Variants in FBXW7 observed in about 807,000 individuals in gnomAD.
The protein encoded by FBXW7 is F-box/WD repeat-containing protein 7.
In FBXW7, 11 loss-of-function variants were observed where a neutral mutation model predicts 86.3. The observed-to-expected ratio is 0.13, with a 90% CI of 0.08 to 0.21. FBXW7 has a LOEUF of 0.21. Among genes scored for constraint, FBXW7 ranks in the 10% least tolerant of loss-of-function variants. FBXW7 has a pLI of 1.00. For missense variants in FBXW7, 488 were observed against 847.4 expected, an observed-to-expected ratio of 0.58 and a Z score of 5.27; for synonymous variants, 313 against 297.9, an observed-to-expected ratio of 1.05 and a Z score of -0.52.
chr4:152,374,888 G>T (rs978062494), intron 4 of FBXW7, among the ~76,000 whole-genome samples: 1 of 139,838 alleles, frequency 7.2e-6, no homozygotes, highest in Non-Finnish European at 1.6e-5. Context: ...AGTTACAGGA[G>T]GGGGGGGGAT....
At chr4:152,429,008 G>A (rs1479979771) in intron 2 of FBXW7, among the ~76,000 whole-genome samples, 2 of 152,060 alleles carry the variant, frequency 1.3e-5, no homozygotes, top group South Asian at 2.1e-4. Flanking sequence ...TAACCAACAT[G>A]GAGAAACTCC....
intron 6 of FBXW7, chr4:152,346,677 TCTC>T (rs1731295709): frequency 7.1e-6 from 3 of 422,712 alleles, no homozygotes; most frequent in African/African-American, 2.0e-5. Context: ...AGTTAGTCCT[TCTC>T]CTCCCCTCAT....
intron 5 of FBXW7, among the ~76,000 whole-genome samples, chr4:152,347,637 C>G (rs187650532): frequency 6.6e-6 from 1 of 152,158 alleles, no homozygotes; most frequent in Non-Finnish European, 1.5e-5. Flanking sequence ...GAATAGTTGA[C>G]AGGACTCAGT....
intron 2 of FBXW7, among the ~76,000 whole-genome samples, chr4:152,456,128 C>T (rs1341610602): frequency 6.6e-6 from 1 of 151,306 alleles, no homozygotes; most frequent in Non-Finnish European, 1.5e-5. Context: ...AAAGGCAAAC[C>T]ACAAACTGAA....
At chr4:152,465,041 A>G (rs1247161599) in intron 2 of FBXW7, among the ~76,000 whole-genome samples, 1 of 152,216 alleles carries the variant, frequency 6.6e-6, no homozygotes, top group Non-Finnish European at 1.5e-5. Context: ...TGTTCTATTC[A>G]TATAACCAGA....
chr4:152,373,370 T>A (rs1042637114), intron 4 of FBXW7, among the ~76,000 whole-genome samples: 4 of 152,040 alleles, frequency 2.6e-5, no homozygotes, highest in African/African-American at 9.7e-5. Context: ...CATCAAAATA[T>A]TAACAGTAGT....
intron 8 of FBXW7, among the ~76,000 whole-genome samples, chr4:152,331,271 A>G (rs1052855702): frequency 2.0e-5 from 3 of 152,088 alleles, no homozygotes; most frequent in Non-Finnish European, 4.4e-5. Context: ...TCAAACAGTC[A>G]TCTGTACACC....
intron 4 of FBXW7, among the ~76,000 whole-genome samples, chr4:152,395,332 T>G (rs769807922): frequency 6.6e-6 from 1 of 152,016 alleles, no homozygotes; most frequent in African/African-American, 2.4e-5. Context: ...GTGCAGACAC[T>G]TAAGAGTGGA....
chr4:152,516,503 G>A (rs982736627), intron 2 of FBXW7, among the ~76,000 whole-genome samples: 10 of 152,184 alleles, frequency 6.6e-5, no homozygotes, highest in African/African-American at 2.2e-4. Context: ...GGTCCCTGGT[G>A]CCAAAAAGGC....
chr4:152,403,477 CA>C (rs112762359), intron 4 of FBXW7, among the ~76,000 whole-genome samples: 2,226 of 85,166 alleles, frequency 0.026, 30 homozygotes, highest in African/African-American at 0.073. Flanking sequence ...GACTTCATCT[CA>C]AAAAAAAAAA....
chr4:152,487,167 C>T (rs962459466), intron 2 of FBXW7, among the ~76,000 whole-genome samples: 9 of 152,174 alleles, frequency 5.9e-5, no homozygotes, highest in East Asian at 1.9e-4. Flanking sequence ...ATCAATGTAA[C>T]CAATAATTCA....
At chr4:152,343,955 T>C (rs557855869) in intron 6 of FBXW7, among the ~76,000 whole-genome samples, 1 of 152,144 alleles carries the variant, frequency 6.6e-6, no homozygotes, top group Non-Finnish European at 1.5e-5. Context: ...GAGTACTTTG[T>C]CAGAATAGAT....
intron 2 of FBXW7, among the ~76,000 whole-genome samples, chr4:152,512,475 CA>C (rs1748067257): frequency 6.6e-6 from 1 of 152,284 alleles, no homozygotes; most frequent in African/African-American, 2.4e-5. Flanking sequence ...AATGTGATCT[CA>C]AAAAGCAGAA....
intron 2 of FBXW7, among the ~76,000 whole-genome samples, chr4:152,449,539 G>T (rs939555558): frequency 6.6e-6 from 1 of 152,130 alleles, no homozygotes; most frequent in South Asian, 2.1e-4. Flanking sequence ...ATAAATGTTA[G>T]AAGAGTTTTA....
At chr4:152,367,074 A>G (rs1560811860) in intron 4 of FBXW7, among the ~76,000 whole-genome samples, 1 of 152,178 alleles carries the variant, frequency 6.6e-6, no homozygotes, top group Non-Finnish European at 1.5e-5. Context: ...GGAATTGAAC[A>G]ATGAGAACAT....
chr4:152,527,304 T>C (rs1162549481), intron 2 of FBXW7, among the ~76,000 whole-genome samples: 2 of 152,268 alleles, frequency 1.3e-5, no homozygotes, highest in Non-Finnish European at 2.9e-5. Flanking sequence ...AGAAGTAAAC[T>C]AGCTGCCTGT....
chr4:152,476,224 A>C (rs1744380629), intron 2 of FBXW7, among the ~76,000 whole-genome samples: 1 of 152,218 alleles, frequency 6.6e-6, no homozygotes. Flanking sequence ...AGTTCACCGA[A>C]GGAAAAGATA....
intron 2 of FBXW7, among the ~76,000 whole-genome samples, chr4:152,482,694 G>T (rs141550215): frequency 4.6e-5 from 7 of 152,010 alleles, no homozygotes; most frequent in African/African-American, 1.7e-4. Flanking sequence ...GAACAGGGTG[G>T]GGGGAGAGAT....
intron 4 of FBXW7, among the ~76,000 whole-genome samples, chr4:152,382,940 A>G (rs1206289764): frequency 6.6e-6 from 1 of 152,038 alleles, no homozygotes; most frequent in East Asian, 1.9e-4. Flanking sequence ...TATAATGAGC[A>G]CTATTTTCAA....
Sources: allele counts gnomAD v4.1 joint callset (sites outside exome capture counted in the v4.1 genomes callset), GRCh38; gene constraint gnomAD v4.1.1; transcripts MANE v1.5; gene names NCBI Gene and HGNC (gene_info 2026-07-23, HGNC 2026-07-21).